The following SHOC1 variants were observed in gnomAD, a reference collection of about 807,000 sequenced individuals.
SHOC1 encodes the protein shortage in chiasmata 1, also known as protein shortage in chiasmata 1 ortholog.
SHOC1 carries 136 observed loss-of-function variants against 179.2 expected under a neutral mutation model. The ratio of observed to expected loss-of-function variants is 0.76; its 90% CI spans 0.66 to 0.87. SHOC1 has a LOEUF of 0.87. Ranked by LOEUF, SHOC1 falls within the 40% of genes least tolerant of loss-of-function variation. The probability of loss-of-function intolerance (pLI) is 0.00; values close to 1 mark genes in which losing one functional copy is unlikely to be tolerated. For missense variants in SHOC1, 1,538 were observed against 1,700.8 expected, an observed-to-expected ratio of 0.90 and a Z score of 1.68; for synonymous variants, 489 against 586.6, an observed-to-expected ratio of 0.83 and a Z score of 2.41.
chr9:111,769,502 G>T (rs1933020), intron 5 of SHOC1, among the ~76,000 whole-genome samples: 93,726 of 151,834 alleles, frequency 0.62, 29,430 homozygotes, highest in East Asian at 0.9. Context: ...TTGACATAGG[G>T]TCTCACTCTG....
intron 10 of SHOC1, among the ~76,000 whole-genome samples, chr9:111,745,792 T>C (rs1834248899): frequency 6.6e-6 from 1 of 152,256 alleles, no homozygotes; most frequent in Admixed American, 6.5e-5. Flanking sequence ...TTGCCTTTCA[T>C]GGCAGTGACT....
At chr9:111,713,757 A>G (rs1160339785) in intron 17 of SHOC1, among the ~76,000 whole-genome samples, 4 of 152,166 alleles carry the variant, frequency 2.6e-5, no homozygotes, top group African/African-American at 9.7e-5. Context: ...AGATTTTAAA[A>G]AGCAATTTCT....
intron 5 of SHOC1, among the ~76,000 whole-genome samples, chr9:111,760,615 T>C (rs1185090739): frequency 6.8e-6 from 1 of 147,500 alleles, no homozygotes; most frequent in Non-Finnish European, 1.5e-5. Context: ...AATTATACAA[T>C]TAATGTTTTT....
intron 24 of SHOC1, among the ~76,000 whole-genome samples, chr9:111,697,266 T>G (rs1311050854): frequency 1.3e-5 from 2 of 151,948 alleles, no homozygotes; most frequent in Non-Finnish European, 2.9e-5. Context: ...TATGTATACA[T>G]GTGCCATGTT....
At chr9:111,752,446 AAAAC>A (rs1291724475) in intron 8 of SHOC1, among the ~76,000 whole-genome samples, 1 of 152,248 alleles carries the variant, frequency 6.6e-6, no homozygotes, top group East Asian at 1.9e-4. Context: ...ACAGCCTATT[AAAAC>A]AAACAGAGAA....
At position 111,693,752 on chromosome 9, in the gene SHOC1, C is replaced by T. The variant is rs377312835; in HGVS notation, c.3465+47G>A. The T allele has an allele frequency of 3.2e-6, 4 of 1,247,744 alleles. No individual in the cohort carries two copies. In the Admixed American group the frequency reaches 7.8e-5, roughly 24 times the overall value. 77.3% of individuals were successfully genotyped at this position (1,247,744 alleles called of 1,614,324 possible). ...CTATTGTAAAAATAGATACTCAAAT[C>T]GAAAGGAAATAAATTCATATCATAG... On this transcript the variant is annotated intron_variant, in intron 26 of 27. Transcript: ENST00000682961.
chr9:111,742,053 C>T (rs1307144702), intron 10 of SHOC1, among the ~76,000 whole-genome samples: 1 of 152,160 alleles, frequency 6.6e-6, no homozygotes, highest in Non-Finnish European at 1.5e-5. Flanking sequence ...AAACACAGTA[C>T]TCACTTCCTC....
chr9:111,704,130 T>C, intron 21 of SHOC1, 138 bp from the exon 22 acceptor site: 1 of 532,412 alleles, frequency 1.9e-6, no homozygotes, highest in East Asian at 3.0e-5. Context: ...TTCTACTTTA[T>C]AAAATTTGAA....
chr9:111,747,303 G>T (rs139757589), intron 9 of SHOC1, among the ~76,000 whole-genome samples: 11 of 152,048 alleles, frequency 7.2e-5, no homozygotes, highest in Non-Finnish European at 1.0e-4. Context: ...ACATACTTTG[G>T]CATTGTACTG....
chr9:111,748,857 G>T (rs1834427781), intron 8 of SHOC1, among the ~76,000 whole-genome samples: 1 of 120,496 alleles, frequency 8.3e-6, no homozygotes, highest in Admixed American at 1.1e-4. Context: ...GTTTCCAGCT[G>T]TCTGACACAT....
intron 21 of SHOC1, among the ~76,000 whole-genome samples, chr9:111,704,832 A>C (rs2181147): frequency 0.25 from 38,414 of 152,070 alleles, 5,143 homozygotes; most frequent in African/African-American, 0.32. Context: ...GTAAAGTTCT[A>C]TAAACAAGAA....
Position 111,727,897 on chromosome 9 carries a change from C to G in SHOC1, c.1570G>C (p.Ala524Pro). 1 of 1,613,222 alleles carries G rather than the reference C, an allele frequency of 6.2e-7. No individual in the cohort carries two copies. Among genetic ancestry groups the G allele is most frequent in the Non-Finnish European group, 8.5e-7 (1 of 1,179,656 alleles). The change falls in exon 13 of 28, where the codon GCA (alanine) becomes CCA (proline). Residue 524 changes from alanine (A) to proline (P), a missense_variant. By Grantham distance (27) the Ala-to-Pro change is conservative. Transcript: ENST00000682961. ...FSDDYFSDKG[A>P]AKEEKPKNDQ... is the part of the protein sequence containing the mutation. ...TTCTTTGGTTTTTCTTCTTTTGCTG[C>G]TCCTTTATCAGAGAAATAGTCATCA...
intron 2 of SHOC1, among the ~76,000 whole-genome samples, chr9:111,791,007 T>G (rs1398119138): frequency 6.6e-6 from 1 of 152,230 alleles, no homozygotes; most frequent in Non-Finnish European, 1.5e-5. Context: ...ACTTTTTGAG[T>G]GCCAATATGA....
chr9:111,741,387 G>T, intron 11 of SHOC1, 89 bp downstream of exon 11: 1 of 719,996 alleles, frequency 1.4e-6, no homozygotes, highest in Non-Finnish European at 2.4e-6. Flanking sequence ...TTAAGAAATG[G>T]TCAAAGAAAA....
chr9:111,732,867 C>T (rs1157839804), intron 12 of SHOC1, among the ~76,000 whole-genome samples: 1 of 152,156 alleles, frequency 6.6e-6, no homozygotes, highest in Non-Finnish European at 1.5e-5. Context: ...GGTAGTTTCA[C>T]AGGCATATAC....
intron 26 of SHOC1, among the ~76,000 whole-genome samples, chr9:111,693,010 G>C (rs1564102445): frequency 6.6e-6 from 1 of 152,136 alleles, no homozygotes; most frequent in African/African-American, 2.4e-5. Context: ...AATAGCTTTA[G>C]AATGTATAAT....
rs566531432 is a variant in SHOC1 at position 111,794,917 on chromosome 9, T to C, written c.-54A>G. 1.3e-5 allele frequency: 2 copies of C among 153,086 alleles called. No individual in the cohort carries two copies. The highest frequency in any genetic ancestry group is 3.8e-4 in the East Asian group (2 of 5,210). The allele number at this position is 153,086 out of a possible 1,614,324, so 9.5% of individuals were successfully genotyped here. A position where few individuals can be genotyped will look rare whatever the true frequency, so the allele number is the denominator to read the frequency against. On this transcript the variant is annotated 5_prime_UTR_variant, in exon 1 of 28. Coordinates refer to ENST00000682961, the MANE Select transcript of SHOC1 (RefSeq NM_001378211.1). Reference sequence around the variant, plus strand: ...GCTCTTACCTGAGGTAAAAATCGCCTCCTGCATCTCTTCCTGGGGTAAAAT... The same window carrying C: ...GCTCTTACCTGAGGTAAAAATCGCCCCCTGCATCTCTTCCTGGGGTAAAAT...
chr9:111,752,345 T>C (rs1450706808), intron 8 of SHOC1, among the ~76,000 whole-genome samples: 1 of 152,206 alleles, frequency 6.6e-6, no homozygotes, highest in Non-Finnish European at 1.5e-5. Context: ...ATGGGGCAGA[T>C]TGAAAGCATA....
In SHOC1 at chr9:111,695,324, C is replaced by T. The variant is rs113363917; in HGVS notation, c.3184-962G>A. ...TTTTATAAGAATAGCAAATACAAAACGGTTAGTACACACCTGGGGAGTATA... is the reference window on the plus strand; with the variant it reads ...TTTTATAAGAATAGCAAATACAAAATGGTTAGTACACACCTGGGGAGTATA... On this transcript the variant is annotated intron_variant, in intron 24 of 27. Coordinates refer to ENST00000682961, the MANE Select transcript of SHOC1 (RefSeq NM_001378211.1). 1.2e-4 allele frequency among the ~76,000 whole-genome samples: 18 copies of T among 151,930 alleles called. 1 individual carries two copies. The highest frequency in any genetic ancestry group is 3.9e-4 in the African/African-American group (16 of 41,440).
Sources: allele counts gnomAD v4.1 joint callset (sites outside exome capture counted in the v4.1 genomes callset), GRCh38; gene constraint gnomAD v4.1.1; transcripts MANE v1.5; gene names NCBI Gene and HGNC (gene_info 2026-07-23, HGNC 2026-07-21).